The following GSDMC variants were observed in gnomAD, a reference collection of about 807,000 sequenced individuals.
GSDMC encodes gasdermin C.
A neutral mutation model predicts 58.0 loss-of-function variants in GSDMC; 59 were observed. The observed-to-expected ratio is 1.02, with a 90% CI of 0.82 to 1.26. GSDMC has a LOEUF of 1.26. GSDMC is among the 50% of genes most tolerant of loss of function. GSDMC has a pLI of 0.00. For missense variants in GSDMC, 659 were observed against 598.5 expected, an observed-to-expected ratio of 1.10 and a Z score of -1.06; for synonymous variants, 241 against 220.2, an observed-to-expected ratio of 1.09 and a Z score of -0.83.
At chr8:129,764,933 T>A (rs1040472030) in intron 4 of GSDMC, among the ~76,000 whole-genome samples, 1 of 152,170 alleles carries the variant, frequency 6.6e-6, no homozygotes, top group African/African-American at 2.4e-5. Context: ...TTACCATTTG[T>A]CCACTTTTTA....
At chr8:129,758,157 A>T (rs1197318510) in intron 6 of GSDMC, among the ~76,000 whole-genome samples, 1 of 152,230 alleles carries the variant, frequency 6.6e-6, no homozygotes, top group Admixed American at 6.5e-5. Context: ...TATTTCATAA[A>T]GTTAAATATT....
the GSDMC span, chr8:129,706,721 G>C: frequency 6.6e-6 from 1 of 152,254 alleles, no homozygotes; most frequent in South Asian, 2.1e-4. Context: ...AAAAGTTCAT[G>C]GAGGAAAAAT....
At chr8:129,754,313 C>T (rs55949240) in intron 6 of GSDMC, among the ~76,000 whole-genome samples, 52,366 of 152,116 alleles carry the variant, frequency 0.34, 10,902 homozygotes, top group East Asian at 0.59. Flanking sequence ...GAGAGAGACC[C>T]CATTTGTTTG....
chr8:129,729,888 A>T, the GSDMC span: 1 of 1,119,192 alleles, frequency 8.9e-7, no homozygotes, highest in Non-Finnish European at 1.4e-6. Context: ...GCCCCAACCT[A>T]CTGAGATTAA....
chr8:129,753,544 A>G (rs187612876), intron 6 of GSDMC, among the ~76,000 whole-genome samples: 185 of 152,278 alleles, frequency 1.2e-3, no homozygotes, highest in African/African-American at 4.3e-3. Context: ...GTGCTAACTA[A>G]AGGTGTGACT....
the GSDMC span, among the ~76,000 whole-genome samples, chr8:129,732,887 C>T: frequency 2.3e-3 from 353 of 152,328 alleles, 2 homozygotes; most frequent in African/African-American, 8.2e-3. Flanking sequence ...CAAGGGGTCA[C>T]GGGATTTCCC....
chr8:129,741,259 T>A, the GSDMC span, among the ~76,000 whole-genome samples: 26,198 of 152,092 alleles, frequency 0.17, 2,688 homozygotes, highest in Non-Finnish European at 0.23. Flanking sequence ...TTATAATATA[T>A]TTTTAAAATC....
chr8:129,728,858 C>T, the GSDMC span: 7 of 623,666 alleles, frequency 1.1e-5, no homozygotes, highest in Admixed American at 4.4e-5. Context: ...AGAGGCTGTT[C>T]GCCTGGGGCG....
chr8:129,727,023 C>CACACAT, the GSDMC span, among the ~76,000 whole-genome samples: 459 of 150,256 alleles, frequency 3.1e-3, 3 homozygotes, highest in African/African-American at 9.1e-3. Context: ...CACACACACA[C>CACACAT]ACCTATTCAC....
chr8:129,748,596 C>T lies in GSDMC; in HGVS notation c.1432G>A (p.Asp478Asn). 2 of 1,613,794 alleles carry T rather than the reference C, an allele frequency of 1.2e-6. No homozygotes were observed. The highest frequency in any genetic ancestry group is 2.2e-5 in the South Asian group (2 of 91,018). The change falls in exon 14 of 14, where the codon GAT becomes AAT. Residue 478 changes from aspartate (D) to asparagine (N), a missense_variant. Transcript: ENST00000276708. Reference sequence around the variant, plus strand: ...ACATCCCAGGTTGACCTGGGGTTATCCAGCTCCATCCTAAGGCCACACTCC... The same window carrying T: ...ACATCCCAGGTTGACCTGGGGTTATTCAGCTCCATCCTAAGGCCACACTCC... Reference protein sequence around the residue: ...LEECGLRMELDNPRSTWDVEA... With the variant: ...LEECGLRMELNNPRSTWDVEA...
the GSDMC span, among the ~76,000 whole-genome samples, chr8:129,721,383 T>C: frequency 6.6e-6 from 1 of 152,202 alleles, no homozygotes; most frequent in African/African-American, 2.4e-5. Context: ...AGCACCATCT[T>C]CTTAATCATC....
chr8:129,710,914 C>T, the GSDMC span, among the ~76,000 whole-genome samples: 15 of 152,284 alleles, frequency 9.9e-5, no homozygotes, highest in East Asian at 2.9e-3. Flanking sequence ...GACTAGTTAT[C>T]TGCAGGCAGA....
the GSDMC span, among the ~76,000 whole-genome samples, chr8:129,721,429 C>T: frequency 6.6e-6 from 1 of 152,308 alleles, no homozygotes; most frequent in South Asian, 2.1e-4. Flanking sequence ...CCTTACTCTT[C>T]TCTCCTTCAT....
At chr8:129,750,267 C>T (rs967230887) in intron 11 of GSDMC, 148 bp from the exon 12 acceptor site, 23 of 1,007,050 alleles carry the variant, frequency 2.3e-5, no homozygotes, top group African/African-American at 6.5e-5. Flanking sequence ...GTAGTGGGGG[C>T]GACACTTCCC....
At position 129,765,745 on chromosome 8, in the gene GSDMC, T is replaced by C. The variant is rs2033834356; in HGVS notation, c.453A>G (p.Arg151=). The part of the protein sequence containing the change: ...EPSFLKECRR[R]GDNLYVVTEA... ...CTGTCACCACGTACAGGTTGTCCCC[T>C]CTCCTCCGGCACTCCTTCAGAAATG... The change falls in exon 4 of 14, where the codon AGA becomes AGG. Residue 151 remains arginine (R), a synonymous_variant. Coordinates refer to ENST00000276708, the MANE Select transcript of GSDMC (RefSeq NM_031415.3). 6.2e-7 allele frequency: 1 copy of C among 1,613,714 alleles called. No individual in the cohort carries two copies. The highest frequency in any genetic ancestry group is 8.5e-7 in the Non-Finnish European group (1 of 1,179,602).
chr8:129,765,716 G>C lies in GSDMC; in HGVS notation c.482C>G (p.Ala161Gly). ...CACAGTATTGTTGATCAGTTCAACA[G>C]CCTCTGTCACCACGTACAGGTTGTC... The part of the protein sequence containing the change: ...RGDNLYVVTE[A>G]VELINNTVLY... Residue 161 changes from alanine (A) to glycine (G), a missense_variant, in exon 4 of 14, where the codon GCT becomes GGT. Ala to Gly is a moderately conservative substitution (Grantham distance 60). Transcript: ENST00000276708. 6.2e-7 allele frequency: 1 copy of C among 1,610,304 alleles called. No individual in the cohort carries two copies. The highest frequency in any genetic ancestry group is 8.5e-7 in the Non-Finnish European group (1 of 1,176,520).
At chr8:129,708,369 G>C in the GSDMC span, among the ~76,000 whole-genome samples, 1 of 152,240 alleles carries the variant, frequency 6.6e-6, no homozygotes. Context: ...TTAGCAAGGA[G>C]AAAAGCATCC....
chr8:129,755,404 C>T (rs1172664006), intron 6 of GSDMC, among the ~76,000 whole-genome samples: 3 of 152,078 alleles, frequency 2.0e-5, no homozygotes, highest in African/African-American at 4.8e-5. Flanking sequence ...GAAATAAAGA[C>T]ATCTCCAGAC....
chr8:129,714,752 T>C, the GSDMC span, among the ~76,000 whole-genome samples: 7 of 152,156 alleles, frequency 4.6e-5, no homozygotes, highest in African/African-American at 1.7e-4. Flanking sequence ...GCAGACCTGC[T>C]TGAAAAAAAT....
Sources: gnomAD v4.1 joint callset for allele counts (sites outside exome capture counted in the v4.1 genomes callset) on GRCh38, gnomAD v4.1.1 for gene constraint, MANE v1.5 for transcripts, NCBI Gene and HGNC (gene_info 2026-07-23, HGNC 2026-07-21) for gene names.